ATF2: variants seen among roughly 807,000 people sequenced by gnomAD.
The protein encoded by ATF2 is activating transcription factor 2.
A neutral mutation model predicts 60.6 loss-of-function variants in ATF2; 24 were observed. The ratio of observed to expected loss-of-function variants is 0.40; its 90% CI spans 0.29 to 0.56. The LOEUF (loss-of-function observed/expected upper bound fraction) is 0.56, where lower values mean the gene tolerates loss of function less well. Among genes scored for constraint, ATF2 ranks in the 20% least tolerant of loss-of-function variants. ATF2 has a pLI of 0.54. For synonymous variants in ATF2, 206 were observed against 215.4 expected, an observed-to-expected ratio of 0.96 and a Z score of 0.38; for missense variants, 433 against 607.7, an observed-to-expected ratio of 0.71 and a Z score of 3.02.
At chr2:175,075,305 GTATT>G (rs1190641085) in intron 13 of ATF2, among the ~76,000 whole-genome samples, 1 of 152,092 alleles carries the variant, frequency 6.6e-6, no homozygotes, top group Non-Finnish European at 1.5e-5. Flanking sequence ...CTCCAGAACT[GTATT>G]TATTCTGACT....
intron 10 of ATF2, among the ~76,000 whole-genome samples, chr2:175,103,215 C>T (rs543691717): frequency 2.7e-4 from 41 of 152,330 alleles, no homozygotes; most frequent in African/African-American, 9.1e-4. Context: ...ATCCATATTT[C>T]ATATGTGCCA....
At chr2:175,114,622 T>G in intron 8 of ATF2, 68 bp downstream of exon 8, 1 of 1,554,774 alleles carries the variant, frequency 6.4e-7, no homozygotes, top group Non-Finnish European at 8.7e-7. Context: ...ATCAAATGTC[T>G]TAGGAAAAAT....
At chr2:175,135,497 G>C (rs1218659303) in intron 3 of ATF2, among the ~76,000 whole-genome samples, 1 of 152,150 alleles carries the variant, frequency 6.6e-6, no homozygotes, top group Non-Finnish European at 1.5e-5. Flanking sequence ...GAATTGAGCA[G>C]TATACTGACT....
chr2:175,085,753 G>A (rs377738800), intron 12 of ATF2, among the ~76,000 whole-genome samples: 2 of 152,248 alleles, frequency 1.3e-5, no homozygotes, highest in African/African-American at 2.4e-5. Context: ...CAGTAGCTAG[G>A]AAAGGTTAAT....
chr2:175,147,622 C>T (rs1468798158), intron 2 of ATF2, among the ~76,000 whole-genome samples: 2 of 152,130 alleles, frequency 1.3e-5, no homozygotes, highest in African/African-American at 4.8e-5. Context: ...GAAAACATTT[C>T]ACTACCTATT....
intron 4 of ATF2, among the ~76,000 whole-genome samples, chr2:175,123,000 T>G (rs1697074565): frequency 1.3e-5 from 2 of 151,814 alleles, no homozygotes; most frequent in South Asian, 4.1e-4. Context: ...CCTGCCTGTA[T>G]TACCACTGAA....
At chr2:175,123,168 C>T (rs936604876) in intron 4 of ATF2, among the ~76,000 whole-genome samples, 1 of 151,990 alleles carries the variant, frequency 6.6e-6, no homozygotes. Flanking sequence ...AGAATCTCCC[C>T]CAATTTTGGA....
At chr2:175,116,361 A>AC (rs1205404769) in intron 7 of ATF2, among the ~76,000 whole-genome samples, 1 of 152,018 alleles carries the variant, frequency 6.6e-6, no homozygotes, top group Non-Finnish European at 1.5e-5. Context: ...ATTAAGGATG[A>AC]CCCCTAAATT....
rs1693050375 is a variant in ATF2, at chr2:175,073,122, T to A, written c.*1487A>T. The A allele has an allele frequency of 6.6e-6, 1 of 152,180 alleles. No individual in the cohort carries two copies. The highest frequency in any genetic ancestry group is 2.4e-5 in the African/African-American group (1 of 41,450). The allele number at this position is 152,180 out of a possible 1,614,324, so 9.4% of individuals were successfully genotyped here. On this transcript the variant is annotated 3_prime_UTR_variant, in exon 14 of 14. Coordinates refer to ENST00000264110, the MANE Select transcript of ATF2 (RefSeq NM_001880.4). ...AGAAGTTGCTACTGGGTAGGACTCA[T>A]AACTATTTTACAAAGTTTTCTTACG...
intron 3 of ATF2, among the ~76,000 whole-genome samples, chr2:175,136,125 T>G (rs1698132214): frequency 6.6e-6 from 1 of 152,016 alleles, no homozygotes; most frequent in Non-Finnish European, 1.5e-5. Context: ...ATTTGCTATT[T>G]GAATACTTTT....
At chr2:175,074,931 T>A in intron 13 of ATF2, 96 bp from the exon 14 acceptor site, 2 of 1,546,958 alleles carry the variant, frequency 1.3e-6, no homozygotes, top group Non-Finnish European at 1.7e-6. Context: ...TTAGAAAGTA[T>A]CTTACAAAAC....
intron 1 of ATF2, among the ~76,000 whole-genome samples, chr2:175,160,575 T>C (rs879430736): frequency 6.6e-6 from 1 of 152,200 alleles, no homozygotes; most frequent in Non-Finnish European, 1.5e-5. Flanking sequence ...ATAAAATATT[T>C]CACTGATTCT....
intron 1 of ATF2, among the ~76,000 whole-genome samples, chr2:175,160,138 G>A (rs553647059): frequency 3.9e-5 from 6 of 152,194 alleles, no homozygotes; most frequent in African/African-American, 7.2e-5. Context: ...TAACCCCAGC[G>A]CTTTGTGAAG....
chr2:175,079,136 A>G, intron 13 of ATF2, among the ~76,000 whole-genome samples: 1 of 152,192 alleles, frequency 6.6e-6, no homozygotes, highest in East Asian at 1.9e-4. Context: ...TTGTAAATCA[A>G]TTGTCAAATG....
At chr2:175,160,989 A>G (rs990804053) in intron 1 of ATF2, among the ~76,000 whole-genome samples, 2 of 152,148 alleles carry the variant, frequency 1.3e-5, no homozygotes, top group Admixed American at 6.5e-5. Flanking sequence ...AGTGAGACTT[A>G]GTCGCATCAC....
chr2:175,120,944 C>T (rs772441414), intron 5 of ATF2, among the ~76,000 whole-genome samples: 78 of 151,622 alleles, frequency 5.1e-4, no homozygotes, highest in Non-Finnish European at 8.7e-4. Context: ...ACAAAAACTG[C>T]ATTGACTGAA....
intron 12 of ATF2, among the ~76,000 whole-genome samples, chr2:175,085,624 T>A (rs1436537671): frequency 6.6e-6 from 1 of 151,114 alleles, no homozygotes. Flanking sequence ...TAGACAGGTC[T>A]GAAACTGATG....
intron 12 of ATF2, among the ~76,000 whole-genome samples, chr2:175,084,642 A>G (rs1480893493): frequency 7.9e-6 from 1 of 127,376 alleles, no homozygotes; most frequent in South Asian, 2.3e-4. Context: ...CTTAAAGTAT[A>G]AAAAAAAAAA....
chr2:175,119,834 A>T (rs1696833300), intron 5 of ATF2, among the ~76,000 whole-genome samples: 1 of 151,686 alleles, frequency 6.6e-6, no homozygotes, highest in African/African-American at 2.4e-5. Context: ...GGGAGGGGAA[A>T]ATCTTAAAAA....
Sources: gnomAD v4.1 joint callset for allele counts (sites outside exome capture counted in the v4.1 genomes callset) on GRCh38, gnomAD v4.1.1 for gene constraint, MANE v1.5 for transcripts, NCBI Gene and HGNC (gene_info 2026-07-23, HGNC 2026-07-21) for gene names.